SIGLEC1: variants seen among roughly 807,000 people sequenced by gnomAD.
SIGLEC1 encodes sialic acid binding Ig like lectin 1.
In SIGLEC1, 132 loss-of-function variants were observed where a neutral mutation model predicts 148.0. The ratio of observed to expected loss-of-function variants is 0.89; its 90% CI spans 0.77 to 1.03. SIGLEC1 has a LOEUF of 1.03. Ranked by LOEUF, SIGLEC1 falls within the 50% of genes least tolerant of loss-of-function variation. The probability of loss-of-function intolerance (pLI) is 0.00; values close to 1 mark genes in which losing one functional copy is unlikely to be tolerated. For missense variants in SIGLEC1, 2,253 were observed against 2,271.4 expected (o/e 0.99, Z 0.16); for synonymous variants, 945 against 969.0 (o/e 0.98, Z 0.46).
At position 3,688,510 on chromosome 20, in the gene SIGLEC1, A is replaced by G; in HGVS notation, c.*50T>C. On this transcript the variant is annotated 3_prime_UTR_variant, in exon 22 of 22. Coordinates refer to ENST00000344754, the MANE Select transcript of SIGLEC1 (RefSeq NM_023068.4). Reference sequence around the variant, plus strand: ...TCATTCACATTCATAGGCTGGAGTCATCACAGATTCTGGCCACTTTCTCCT... The same window carrying G: ...TCATTCACATTCATAGGCTGGAGTCGTCACAGATTCTGGCCACTTTCTCCT... The G allele has an allele frequency of 2.1e-6, 3 of 1,447,460 alleles. No homozygotes were observed. The highest frequency in any genetic ancestry group is 2.9e-6 in the Non-Finnish European group (3 of 1,050,144). 89.7% of individuals were successfully genotyped at this position (1,447,460 alleles called of 1,614,324 possible).
At position 3,693,494 on chromosome 20, in the gene SIGLEC1, G is replaced by A; in HGVS notation, c.3461C>T (p.Pro1154Leu). 2 of 1,605,900 alleles carry A rather than the reference G, an allele frequency of 1.2e-6. No individual in the cohort carries two copies. Among genetic ancestry groups the A allele is most frequent in the Non-Finnish European group, 1.7e-6 (2 of 1,175,574 alleles). Residue 1154 changes from proline (P) to leucine (L), a missense_variant, in exon 14 of 22, where the codon CCT becomes CTT. Pro to Leu is a moderately conservative substitution (Grantham distance 98). Coordinates refer to ENST00000344754, the MANE Select transcript of SIGLEC1 (RefSeq NM_023068.4). ...ATSYRCGVGP[P>L]GRAPRLSRPI... is the part of the protein sequence containing the mutation. ...TCTGGAGAGGCGGGGTGCCCGACCA[G>A]GGGGGCCCACACCGCAGCGGTAGGA...
At chr20:3,706,065 A>G in intron 3 of SIGLEC1, 25 bp from the exon 4 acceptor site, 1 of 1,597,978 alleles carries the variant, frequency 6.3e-7, no homozygotes, top group Non-Finnish European at 8.5e-7. Context: ...AGCAGTGCTC[A>G]GGACCCGCTT....
In SIGLEC1 at chr20:3,689,648, ACCAGCAGTC is replaced by A; in HGVS notation, c.4940_4948del (p.Gly1647_Leu1649del). ...GCCCAACAGCAGGAGCAGGAGGCCC[ACCAGCAGTC>A]CCAGGACCCAGAGCAGCTGCTGGAA... On this transcript the variant is annotated inframe_deletion, in exon 20 of 22. Coordinates refer to ENST00000344754, the MANE Select transcript of SIGLEC1 (RefSeq NM_023068.4). 1 of 1,591,714 alleles carries A rather than the reference ACCAGCAGTC, an allele frequency of 6.3e-7. No individual in the cohort carries two copies. Among genetic ancestry groups the A allele is most frequent in the South Asian group, 1.1e-5 (1 of 87,444 alleles).
intron 3 of SIGLEC1, 104 bp from the exon 4 acceptor site, chr20:3,706,144 A>AG: frequency 7.4e-7 from 1 of 1,356,782 alleles, no homozygotes; most frequent in Non-Finnish European, 1.0e-6. Context: ...GGGGGCTTTT[A>AG]GGGGAAGGAA....
At position 3,690,829 on chromosome 20, in the gene SIGLEC1, C is replaced by CTT. The variant is rs1226435413; in HGVS notation, c.4591+509_4591+510dup. The stretch of plus-strand genomic sequence containing the variant: ...TTGGTTTTTTCTCTTCTTTTCTTTT[C>CTT]TTTTTTTTTTTTTTTTCTTGAGACA... On this transcript the variant is annotated intron_variant, in intron 18 of 21. Transcript: ENST00000344754. 5.9e-4 allele frequency among the ~76,000 whole-genome samples: 69 copies of CTT among 116,976 alleles called. 1 individual carries two copies. Among genetic ancestry groups the CTT allele is most frequent in the Non-Finnish European group, 6.6e-4 (40 of 60,406 alleles). The allele number at this position is 116,976 out of a possible 152,430, so 76.7% of individuals were successfully genotyped here.
Position 3,691,522 on chromosome 20 carries a change from C to T in SIGLEC1, c.4409G>A (p.Gly1470Asp), listed in dbSNP as rs377478853. The T allele has an allele frequency of 1.2e-5, 20 of 1,613,258 alleles. No homozygotes were observed. The African/African-American group carries it at 2.7e-4, about 21-fold the overall frequency. The change falls in exon 18 of 22, where the codon GGC (glycine) becomes GAC (aspartate). Residue 1470 changes from glycine to aspartate, a missense_variant. By Grantham distance (94) the Gly-to-Asp change is moderately conservative. Coordinates refer to ENST00000344754, the MANE Select transcript of SIGLEC1 (RefSeq NM_023068.4). ...GGTGGAGTTGCCCACAGGCCCAGGG[C>T]CACCCAGGAGGCGGCAGCTGAGGTT... ...ALNLSCRLLG[G>D]PGPVGNSTFA...
rs1451682361 is a variant in SIGLEC1 at position 3,712,581 on chromosome 20, A to G, written c.-221T>C. On this transcript the variant is annotated 5_prime_UTR_variant, in exon 1 of 22. Coordinates refer to ENST00000344754, the MANE Select transcript of SIGLEC1 (RefSeq NM_023068.4). ...GGCTCCCCAGGGCTCTGCCGGCTCAAGAGAGAAGGATCCCGTATCAGGGGC... is the reference window on the plus strand; with the variant it reads ...GGCTCCCCAGGGCTCTGCCGGCTCAGGAGAGAAGGATCCCGTATCAGGGGC... Among the ~76,000 whole-genome samples the G allele has an allele frequency of 2.0e-5, 3 of 152,158 alleles. No individual in the cohort carries two copies. The highest frequency in any genetic ancestry group is 7.2e-5 in the African/African-American group (3 of 41,428).
intron 7 of SIGLEC1, among the ~76,000 whole-genome samples, chr20:3,699,712 C>T (rs890597469): frequency 6.6e-6 from 1 of 152,340 alleles, no homozygotes; most frequent in South Asian, 2.1e-4. Context: ...CATGGTAGCT[C>T]ATGCCTGTAA....
At chr20:3,704,194 G>T in intron 4 of SIGLEC1, 103 bp from the exon 5 acceptor site, 2 of 1,149,026 alleles carry the variant, frequency 1.7e-6, no homozygotes, top group Non-Finnish European at 2.5e-6. Context: ...AAGGAAGTAT[G>T]CCCAGATAAA....
chr20:3,712,352 G>T (rs936566688), intron 1 of SIGLEC1, among the ~76,000 whole-genome samples, 118 bp downstream of exon 1: 1 of 142,788 alleles, frequency 7.0e-6, no homozygotes, highest in Non-Finnish European at 1.5e-5. Context: ...TCCACCACTC[G>T]CACCCAGATG....
rs752283471 is a variant in SIGLEC1, at chr20:3,694,227, C to T, written c.3250G>A (p.Ala1084Thr). ...CACACACACACACACTGACCTTGAG[C>T]GTCGAAGTCAGCTGAGGCCGAGGCC... is the stretch of plus-strand genomic sequence containing the variant. ...GQASASADFD[A>T]QAVNVQVWPG... Residue 1084 changes from alanine to threonine, a missense_variant, in exon 13 of 22, where the codon GCT becomes ACT. By Grantham distance (58) the Ala-to-Thr change is moderately conservative. Transcript: ENST00000344754. 4.4e-6 allele frequency: 7 copies of T among 1,601,126 alleles called. No homozygotes were observed. The highest frequency in any genetic ancestry group is 2.2e-5 in the East Asian group (1 of 44,604).
At chr20:3,706,092 C>T (rs562844508) in intron 3 of SIGLEC1, 52 bp from the exon 4 acceptor site, 45 of 1,565,964 alleles carry the variant, frequency 2.9e-5, no homozygotes, top group South Asian at 8.1e-5. Context: ...CCCCTGAGAT[C>T]CCTCGCCCTG....
intron 13 of SIGLEC1, 66 bp from the exon 14 acceptor site, chr20:3,693,764 C>T: frequency 6.8e-7 from 1 of 1,470,466 alleles, no homozygotes; most frequent in Non-Finnish European, 9.1e-7. Flanking sequence ...GGCCACCTGT[C>T]TCCATGTGGG....
chr20:3,690,232 C>T lies in SIGLEC1; in HGVS notation c.4624G>A (p.Val1542Met), dbSNP rs369134501. The change falls in exon 19 of 22, where the codon GTG becomes ATG. Residue 1542 changes from valine (V) to methionine (M), a missense_variant. By Grantham distance (21) the Val-to-Met change is conservative. Coordinates refer to ENST00000344754, the MANE Select transcript of SIGLEC1 (RefSeq NM_023068.4). ...CCCCGGAGGCCACCCTCAGGCTCCA[C>T]GAAGACCATCATGGTGGGCGTCTTG... ...PPKTPTMMVF[V>M]EPEGGLRGIL... 1.4e-5 allele frequency: 22 copies of T among 1,551,802 alleles called. No individual in the cohort carries two copies. The highest frequency in any genetic ancestry group is 9.6e-5 in the African/African-American group (7 of 73,208).
At position 3,706,395 on chromosome 20, in the gene SIGLEC1, C is replaced by G; in HGVS notation, c.361G>C (p.Glu121Gln). 4 of 1,614,066 alleles carry G rather than the reference C, an allele frequency of 2.5e-6. No homozygotes were observed. In the South Asian group the frequency reaches 3.3e-5, roughly 13 times the overall value. Reference protein sequence around the residue: ...GSYNFRFEISEVNRWSDVKGT... With the variant: ...GSYNFRFEISQVNRWSDVKGT... Reference sequence around the variant, plus strand: ...TTCACATCTGACCAGCGGTTGACCTCACTGATCTCGAAGCGGAAGTTGTAG... The same window carrying G: ...TTCACATCTGACCAGCGGTTGACCTGACTGATCTCGAAGCGGAAGTTGTAG... The change falls in exon 3 of 22, where the codon GAG (glutamate) becomes CAG (glutamine). Residue 121 changes from glutamate (E) to glutamine (Q), a missense_variant. Transcript: ENST00000344754.
In SIGLEC1 at chr20:3,706,645, CA is replaced by C; in HGVS notation, c.110del (p.Leu37ArgfsTer34). On this transcript the variant is annotated frameshift_variant, in exon 3 of 22. Coordinates refer to ENST00000344754, the MANE Select transcript of SIGLEC1 (RefSeq NM_023068.4). LOFTEE classifies it high-confidence loss of function. ...GGAAGCTGAAGATGCAGGGGATAAG[CA>C]GGCAAGACCCCTTCACACCCTGCAC... ...QDVQGVKGSC[L>X]LIPCIFSFPA... The C allele has an allele frequency of 1.3e-6, 2 of 1,576,994 alleles. No homozygotes were observed. The highest frequency in any genetic ancestry group is 1.7e-6 in the Non-Finnish European group (2 of 1,161,806).
At position 3,703,311 on chromosome 20, in the gene SIGLEC1, A is replaced by G; in HGVS notation, c.1114T>C (p.Ser372Pro). The change falls in exon 6 of 22, where the codon TCC becomes CCC. Residue 372 changes from serine (S) to proline (P), a missense_variant. By Grantham distance (74) the Ser-to-Pro change is moderately conservative. Transcript: ENST00000344754. ...GCCAAGTGCAGCCGGAGGGTATGGG[A>G]GTGGGCATCCTCCAGCAGGACATGG... ...KNHVLLEDAHSHTLRLHLATR... is the reference protein window; with the variant it reads ...KNHVLLEDAHPHTLRLHLATR... 1 of 1,614,138 alleles carries G rather than the reference A, an allele frequency of 6.2e-7. No homozygotes were observed. The highest frequency in any genetic ancestry group is 8.5e-7 in the Non-Finnish European group (1 of 1,179,998).
Position 3,704,038 on chromosome 20 carries a change from G to A in SIGLEC1, c.760C>T (p.Pro254Ser). 6.2e-7 allele frequency: 1 copy of A among 1,613,686 alleles called. No individual in the cohort carries two copies. Among genetic ancestry groups the A allele is most frequent in the African/African-American group, 1.3e-5 (1 of 75,018 alleles). The change falls in exon 5 of 22, where the codon CCA becomes TCA. Residue 254 changes from proline to serine, a missense_variant. Coordinates refer to ENST00000344754, the MANE Select transcript of SIGLEC1 (RefSeq NM_023068.4). ...CAGGTGAGTGTGACCAGCTCACCTG[G>A]AAGGATGTTCCTCCCCGAGGGGCTG... ...LLSPSGRNILPGELVTLTCQV... is the reference protein window; with the variant it reads ...LLSPSGRNILSGELVTLTCQV...
At position 3,690,089 on chromosome 20, in the gene SIGLEC1, G is replaced by T; in HGVS notation, c.4767C>A (p.Val1589=). Residue 1589 remains valine (V), a synonymous_variant, in exon 19 of 22, where the codon GTC becomes GTA. Coordinates refer to ENST00000344754, the MANE Select transcript of SIGLEC1 (RefSeq NM_023068.4). The part of the protein sequence containing the change: ...QGAPAEPHIH[V]LASPNALRVD... ...CCCTCAGGGCATTGGGGGAAGCCAG[G>T]ACATGGATGTGTGGCTCTGCAGGAG... 1 of 1,611,690 alleles carries T rather than the reference G, an allele frequency of 6.2e-7. No individual in the cohort carries two copies. Among genetic ancestry groups the T allele is most frequent in the Non-Finnish European group, 8.5e-7 (1 of 1,179,338 alleles).
Sources: gnomAD v4.1 joint callset for allele counts (sites outside exome capture counted in the v4.1 genomes callset) on GRCh38, gnomAD v4.1.1 for gene constraint, MANE v1.5 for transcripts, NCBI Gene and HGNC (gene_info 2026-07-23, HGNC 2026-07-21) for gene names.